The following ZRANB3 variants were observed in gnomAD, a reference collection of about 807,000 sequenced individuals.
ZRANB3 encodes zinc finger RANBP2-type containing 3.
In ZRANB3, 125 loss-of-function variants were observed where a neutral mutation model predicts 133.8. The ratio of observed to expected loss-of-function variants is 0.93; its 90% CI spans 0.81 to 1.08. The LOEUF is 1.08. Ranked by LOEUF, ZRANB3 falls within the 50% of genes least tolerant of loss-of-function variation. The pLI is 0.00. For synonymous variants in ZRANB3, 387 were observed against 432.7 expected, an observed-to-expected ratio of 0.89 and a Z score of 1.31; for missense variants, 1,229 against 1,275.5, an observed-to-expected ratio of 0.96 and a Z score of 0.56.
At chr2:135,265,779 AC>A (rs1235675553) in intron 11 of ZRANB3, 93 bp from the exon 12 acceptor site, 3 of 1,312,400 alleles carry the variant, frequency 2.3e-6, no homozygotes, top group Non-Finnish European at 3.1e-6. Context: ...ATCATAAGCT[AC>A]CCACTAAGAA....
chr2:135,383,395 T>C (rs563257144), intron 3 of ZRANB3, among the ~76,000 whole-genome samples: 1 of 152,240 alleles, frequency 6.6e-6, no homozygotes, highest in African/African-American at 2.4e-5. Flanking sequence ...ACAATAATAA[T>C]GAGAGACTTT....
chr2:135,276,536 C>T (rs892279618), intron 8 of ZRANB3, among the ~76,000 whole-genome samples: 12 of 152,022 alleles, frequency 7.9e-5, no homozygotes, highest in Non-Finnish European at 1.6e-4. Context: ...GAAGCAAATA[C>T]GAATTAAAGA....
intron 2 of ZRANB3, among the ~76,000 whole-genome samples, chr2:135,473,604 T>A (rs995770890): frequency 2.0e-5 from 3 of 151,952 alleles, no homozygotes; most frequent in African/African-American, 4.8e-5. Flanking sequence ...GATTTTAAAA[T>A]GTGTTTTCAT....
chr2:135,283,221 G>A (rs1681178429), intron 8 of ZRANB3, among the ~76,000 whole-genome samples: 1 of 152,160 alleles, frequency 6.6e-6, no homozygotes, highest in Non-Finnish European at 1.5e-5. Flanking sequence ...GGAGGTTGAG[G>A]CTGCAGTGAG....
chr2:135,327,484 G>A (rs1309469448), intron 6 of ZRANB3, among the ~76,000 whole-genome samples: 1 of 151,976 alleles, frequency 6.6e-6, no homozygotes, highest in Admixed American at 6.6e-5. Flanking sequence ...GACTAAGAAA[G>A]GAACAGTCAA....
At chr2:135,328,703 TCCA>T (rs1392941812) in intron 6 of ZRANB3, among the ~76,000 whole-genome samples, 1 of 152,226 alleles carries the variant, frequency 6.6e-6, no homozygotes, top group Non-Finnish European at 1.5e-5. Context: ...TTCCTATTTC[TCCA>T]CGTCTTCTCC....
chr2:135,231,061 T>G, intron 12 of ZRANB3, 134 bp from the exon 13 acceptor site: 1 of 671,530 alleles, frequency 1.5e-6, no homozygotes, highest in Non-Finnish European at 2.3e-6. Flanking sequence ...ATGAATTCAT[T>G]ATGCTCTGAC....
chr2:135,334,284 T>A lies in ZRANB3; in HGVS notation c.677+11266A>T, dbSNP rs146204859. Among the ~76,000 whole-genome samples, 3 of 152,354 alleles carry A rather than the reference T, an allele frequency of 2.0e-5. No individual in the cohort carries two copies. The East Asian group carries it at 5.8e-4, about 29-fold the overall frequency. On this transcript the variant is annotated intron_variant, in intron 6 of 20. Transcript: ENST00000264159. ...GAGTAGAAGCACCCCTTACTCCAATTTAGCCTAAGGTTATTCAAAACCACA... is the reference window on the plus strand; with the variant it reads ...GAGTAGAAGCACCCCTTACTCCAATATAGCCTAAGGTTATTCAAAACCACA...
At chr2:135,487,745 G>C (rs1345313252) in intron 2 of ZRANB3, among the ~76,000 whole-genome samples, 1 of 152,158 alleles carries the variant, frequency 6.6e-6, no homozygotes, top group East Asian at 1.9e-4. Context: ...GCCTTGCTCT[G>C]GAATTAGGCT....
chr2:135,319,602 T>C (rs534839364), intron 6 of ZRANB3, among the ~76,000 whole-genome samples: 1 of 152,306 alleles, frequency 6.6e-6, no homozygotes, highest in South Asian at 2.1e-4. Context: ...TATTCGCAGA[T>C]TATCCTCTGG....
chr2:135,448,745 G>A (rs939485415), intron 2 of ZRANB3, among the ~76,000 whole-genome samples: 2 of 152,160 alleles, frequency 1.3e-5, no homozygotes, highest in Admixed American at 6.5e-5. Context: ...ATAGACAAAA[G>A]AGCTCACAAA....
chr2:135,238,013 T>C (rs1695378235), intron 12 of ZRANB3, among the ~76,000 whole-genome samples: 1 of 152,218 alleles, frequency 6.6e-6, no homozygotes, highest in African/African-American at 2.4e-5. Flanking sequence ...ATAATAACCT[T>C]GTTTTCAAGA....
chr2:135,457,882 A>G (rs1452229737), intron 2 of ZRANB3, among the ~76,000 whole-genome samples: 1 of 152,090 alleles, frequency 6.6e-6, no homozygotes, highest in Non-Finnish European at 1.5e-5. Flanking sequence ...TTTATTAATG[A>G]TGTCCTTTAA....
chr2:135,471,242 T>C (rs1488435865), intron 2 of ZRANB3, among the ~76,000 whole-genome samples: 1 of 152,196 alleles, frequency 6.6e-6, no homozygotes, highest in African/African-American at 2.4e-5. Context: ...ATTGGCTTTT[T>C]CTAGTGTGGG....
intron 2 of ZRANB3, among the ~76,000 whole-genome samples, chr2:135,414,481 T>G (rs1352479452): frequency 6.6e-6 from 1 of 152,086 alleles, no homozygotes; most frequent in Non-Finnish European, 1.5e-5. Flanking sequence ...ACAAAGAGAC[T>G]TAGACTCCCA....
intron 2 of ZRANB3, 121 bp downstream of exon 2, chr2:135,504,208 T>G (rs770587299): frequency 8.5e-7 from 1 of 1,180,842 alleles, no homozygotes; most frequent in Admixed American, 1.9e-5. Context: ...GCTAACTTGG[T>G]CACAATCAAT....
chr2:135,426,231 T>C (rs978375033), intron 2 of ZRANB3, among the ~76,000 whole-genome samples: 7 of 152,028 alleles, frequency 4.6e-5, no homozygotes, highest in African/African-American at 1.7e-4. Context: ...ACCAGAAGAA[T>C]TGACAGCCAA....
At chr2:135,253,131 C>T (rs1443457479) in intron 12 of ZRANB3, among the ~76,000 whole-genome samples, 1 of 152,190 alleles carries the variant, frequency 6.6e-6, no homozygotes, top group Non-Finnish European at 1.5e-5. Flanking sequence ...AAGTAAAATT[C>T]TGGTAAAAGC....
chr2:135,217,380 G>T, intron 17 of ZRANB3, 85 bp downstream of exon 17: 1 of 1,280,318 alleles, frequency 7.8e-7, no homozygotes, highest in South Asian at 1.7e-5. Context: ...TTTCATTAGT[G>T]GTTCCAAAAG....
Sources: gnomAD v4.1 joint callset for allele counts (sites outside exome capture counted in the v4.1 genomes callset) on GRCh38, gnomAD v4.1.1 for gene constraint, MANE v1.5 for transcripts, NCBI Gene and HGNC (gene_info 2026-07-23, HGNC 2026-07-21) for gene names.